ZKSCAN1: variants seen among roughly 807,000 people sequenced by gnomAD.
The protein encoded by ZKSCAN1 is zinc finger protein with KRAB and SCAN domains 1.
In ZKSCAN1, 14 loss-of-function variants were observed where a neutral mutation model predicts 51.6. The ratio of observed to expected loss-of-function variants is 0.27; its 90% CI spans 0.18 to 0.42. The LOEUF is 0.42. Ranked by LOEUF, ZKSCAN1 falls within the 10% of genes least tolerant of loss-of-function variation. ZKSCAN1 has a pLI of 1.00. For missense variants in ZKSCAN1, 531 were observed against 710.0 expected (o/e 0.75, Z 2.86); for synonymous variants, 263 against 261.5 (o/e 1.01, Z -0.06).
chr7:100,044,139 G>A (rs1256558128), downstream of ZKSCAN1, among the ~76,000 whole-genome samples: 3 of 152,036 alleles, frequency 2.0e-5, no homozygotes, highest in Non-Finnish European at 2.9e-5. Context: ...TCCCCCAGGC[G>A]ATGTCTGATC....
chr7:100,015,772 G>C (rs187462604), intron 1 of ZKSCAN1, 46 bp downstream of exon 1: 10 of 152,298 alleles, frequency 6.6e-5, no homozygotes, highest in Non-Finnish European at 1.0e-4. Context: ...GGGGCCGCAA[G>C]GGTGTGTGCG....
Position 100,040,042 on chromosome 7 carries a change from A to G in ZKSCAN1, c.*5845A>G, listed in dbSNP as rs1357635244. On this transcript the variant is annotated 3_prime_UTR_variant, in exon 6 of 6. Coordinates refer to ENST00000324306, the MANE Select transcript of ZKSCAN1 (RefSeq NM_003439.4). ...TAAAAGCAATTATTTTGCTATTCAGATTTTTTATTATCTGAAAATGAAATT... is the reference window on the plus strand; with the variant it reads ...TAAAAGCAATTATTTTGCTATTCAGGTTTTTTATTATCTGAAAATGAAATT... The G allele has an allele frequency of 2.3e-6, 2 of 874,800 alleles. No homozygotes were observed. The highest frequency in any genetic ancestry group is 2.7e-6 in the Non-Finnish European group (2 of 729,558). The allele number at this position is 874,800 out of a possible 1,614,324, so 54.2% of individuals were successfully genotyped here.
intron 1 of ZKSCAN1, among the ~76,000 whole-genome samples, chr7:100,020,562 A>C (rs1785373108): frequency 6.6e-6 from 1 of 152,192 alleles, no homozygotes; most frequent in South Asian, 2.1e-4. Context: ...AGGCTGAGGC[A>C]GGAGAATTAC....
Position 100,041,119 on chromosome 7 carries a change from CTTGTT to C in ZKSCAN1, c.*6924_*6928del. 1.2e-6 allele frequency: 1 copy of C among 831,750 alleles called. No homozygotes were observed. The highest frequency in any genetic ancestry group is 1.4e-6 in the Non-Finnish European group (1 of 689,912). The allele number at this position is 831,750 out of a possible 1,614,324, so 51.5% of individuals were successfully genotyped here. ...TATAGAGGGCTAACTCAGGCATTGT[CTTGTT>C]TATTTGTAGACTGGATTAAAAACAA... On this transcript the variant is annotated 3_prime_UTR_variant, in exon 6 of 6. Coordinates refer to ENST00000324306, the MANE Select transcript of ZKSCAN1 (RefSeq NM_003439.4).
chr7:100,017,453 T>A (rs1790416724), intron 1 of ZKSCAN1, among the ~76,000 whole-genome samples: 1 of 152,176 alleles, frequency 6.6e-6, no homozygotes, highest in African/African-American at 2.4e-5. Context: ...GAACGCCTGA[T>A]CTCAGGCAGT....
In ZKSCAN1 at chr7:100,030,309, A is replaced by C; in HGVS notation, c.733A>C (p.Asn245His). The change falls in exon 5 of 6, where the codon AAT (asparagine) becomes CAT (histidine). Residue 245 changes from asparagine (N) to histidine (H), a missense_variant. Around this residue, in one of 2 missense-constraint regions of ZKSCAN1, gnomAD observed 403 missense variants for 490.5 expected, o/e 0.82. Coordinates refer to ENST00000324306, the MANE Select transcript of ZKSCAN1 (RefSeq NM_003439.4). The part of the protein sequence containing the change: ...SLILEEWGCQ[N>H]LARRNLSRDN... Reference sequence around the variant, plus strand: ...CATTCTGGAGGAATGGGGATGTCAGAATCTGGCTCGGAGGAATCTCAGTAG... The same window carrying C: ...CATTCTGGAGGAATGGGGATGTCAGCATCTGGCTCGGAGGAATCTCAGTAG... The C allele has an allele frequency of 3.7e-6, 6 of 1,614,158 alleles. No individual in the cohort carries two copies. The highest frequency in any genetic ancestry group is 3.4e-6 in the Non-Finnish European group (4 of 1,180,028).
At position 100,040,390 on chromosome 7, in the gene ZKSCAN1, A is replaced by T. The variant is rs1383104887; in HGVS notation, c.*6193A>T. On this transcript the variant is annotated 3_prime_UTR_variant, in exon 6 of 6. Transcript: ENST00000324306. ...AGAATCGTGACTTAATTCAAATTGC[A>T]CAGTAATCAGTAAAGTGAATACGTT... 2 of 985,474 alleles carry T rather than the reference A, an allele frequency of 2.0e-6. No homozygotes were observed. The highest frequency in any genetic ancestry group is 1.1e-4 in the East Asian group (1 of 8,820). The allele number at this position is 985,474 out of a possible 1,614,324, so 61.0% of individuals were successfully genotyped here. A position where few individuals can be genotyped will look rare whatever the true frequency, so the allele number is the denominator to read the frequency against.
Position 100,034,660 on chromosome 7 carries a change from A to C in ZKSCAN1, c.*463A>C. On this transcript the variant is annotated 3_prime_UTR_variant, in exon 6 of 6. Transcript: ENST00000324306. ...AAAAAAGAGGGACAGTGAAAACAAA[A>C]ACGACATTGGGACATGCTGCTCAAG... 470 of 588,168 alleles carry C rather than the reference A, an allele frequency of 8.0e-4. No individual in the cohort carries two copies. The highest frequency in any genetic ancestry group is 9.5e-4 in the Non-Finnish European group (441 of 465,766). The allele number at this position is 588,168 out of a possible 1,614,324, so 36.4% of individuals were successfully genotyped here. A position where few individuals can be genotyped will look rare whatever the true frequency, so the allele number is the denominator to read the frequency against.
In ZKSCAN1 at chr7:100,040,375, C is replaced by G. The variant is rs1316410328; in HGVS notation, c.*6178C>G. Reference sequence around the variant, plus strand: ...ACCTCCATTTACTAAAGAATCGTGACTTAATTCAAATTGCACAGTAATCAG... The same window carrying G: ...ACCTCCATTTACTAAAGAATCGTGAGTTAATTCAAATTGCACAGTAATCAG... On this transcript the variant is annotated 3_prime_UTR_variant, in exon 6 of 6. Coordinates refer to ENST00000324306, the MANE Select transcript of ZKSCAN1 (RefSeq NM_003439.4). The G allele has an allele frequency of 2.0e-6, 2 of 985,322 alleles. No homozygotes were observed. The highest frequency in any genetic ancestry group is 3.5e-5 in the African/African-American group (2 of 57,246). The allele number at this position is 985,322 out of a possible 1,614,324, so 61.0% of individuals were successfully genotyped here.
At chr7:100,025,825 C>G (rs1790810245) in intron 3 of ZKSCAN1, among the ~76,000 whole-genome samples, 1 of 152,158 alleles carries the variant, frequency 6.6e-6, no homozygotes, top group African/African-American at 2.4e-5. Flanking sequence ...GTGGCTCACG[C>G]CTGTAATCCC....
intron 5 of ZKSCAN1, among the ~76,000 whole-genome samples, chr7:100,032,744 C>T (rs1213126866): frequency 6.6e-6 from 1 of 151,726 alleles, no homozygotes; most frequent in African/African-American, 2.4e-5. Flanking sequence ...CGTGGTGGCT[C>T]ACGCCTGTAA....
In ZKSCAN1 at chr7:100,038,023, A is replaced by C. The variant is rs1199954711; in HGVS notation, c.*3826A>C. ...AGTGACAGAGCGAGGCTCTGTATCA[A>C]AAAAAAAAGTTGCGGGGGGGTGCTC... is the stretch of plus-strand genomic sequence containing the variant. On this transcript the variant is annotated 3_prime_UTR_variant, in exon 6 of 6. Transcript: ENST00000324306. The C allele has an allele frequency of 1.0e-6, 1 of 981,800 alleles. No individual in the cohort carries two copies. The highest frequency in any genetic ancestry group is 1.2e-6 in the Non-Finnish European group (1 of 827,182). The allele number at this position is 981,800 out of a possible 1,614,324, so 60.8% of individuals were successfully genotyped here.
chr7:100,037,008 G>A lies in ZKSCAN1; in HGVS notation c.*2811G>A, dbSNP rs1434097185. 1 of 985,278 alleles carries A rather than the reference G, an allele frequency of 1.0e-6. No individual in the cohort carries two copies. Among genetic ancestry groups the A allele is most frequent in the East Asian group, 1.1e-4 (1 of 8,832 alleles). 61.0% of individuals were successfully genotyped at this position (985,278 alleles called of 1,614,324 possible). ...GCCACTAGGGTTGCTTCGATCTTCA[G>A]CCACATGCTGTCCTTGAAGCAGCTA... On this transcript the variant is annotated 3_prime_UTR_variant, in exon 6 of 6. Transcript: ENST00000324306.
chr7:100,028,976 C>T (rs941926670), intron 3 of ZKSCAN1, among the ~76,000 whole-genome samples: 4 of 151,762 alleles, frequency 2.6e-5, no homozygotes, highest in Admixed American at 6.6e-5. Flanking sequence ...ACCAGCCTGA[C>T]CAACATGGAG....
chr7:100,037,263 G>A lies in ZKSCAN1; in HGVS notation c.*3066G>A, dbSNP rs1267139730. 2.0e-6 allele frequency: 2 copies of A among 985,242 alleles called. No homozygotes were observed. Among genetic ancestry groups the A allele is most frequent in the African/African-American group, 3.5e-5 (2 of 57,220 alleles). The allele number at this position is 985,242 out of a possible 1,614,324, so 61.0% of individuals were successfully genotyped here. A position where few individuals can be genotyped will look rare whatever the true frequency, so the allele number is the denominator to read the frequency against. On this transcript the variant is annotated 3_prime_UTR_variant, in exon 6 of 6. Coordinates refer to ENST00000324306, the MANE Select transcript of ZKSCAN1 (RefSeq NM_003439.4). Reference sequence around the variant, plus strand: ...CCATTAGCATGCTAGTTGTCCTAATGGAAATTTTTGAAGAGTTTTTCAATA... The same window carrying A: ...CCATTAGCATGCTAGTTGTCCTAATAGAAATTTTTGAAGAGTTTTTCAATA...
chr7:100,040,668 G>T lies in ZKSCAN1; in HGVS notation c.*6471G>T. 2 of 985,452 alleles carry T rather than the reference G, an allele frequency of 2.0e-6. No homozygotes were observed. Among genetic ancestry groups the T allele is most frequent in the Non-Finnish European group, 2.4e-6 (2 of 829,960 alleles). 61.0% of individuals were successfully genotyped at this position (985,452 alleles called of 1,614,324 possible). ...ATGGAAGGAGAAGGGGGAAGAGGAC[G>T]GTAACGGCCCCACACTCCAGGCTGA... On this transcript the variant is annotated 3_prime_UTR_variant, in exon 6 of 6. Transcript: ENST00000324306.
Position 100,039,808 on chromosome 7 carries a change from C to T in ZKSCAN1, c.*5611C>T. On this transcript the variant is annotated 3_prime_UTR_variant, in exon 6 of 6. Transcript: ENST00000324306. ...TACGAGGGGGCTAGGGTTTTCCCAT[C>T]TGGGAAATGGGGTGAAAGTCTGCAG... is the stretch of plus-strand genomic sequence containing the variant. The T allele has an allele frequency of 2.0e-6, 2 of 985,338 alleles. No homozygotes were observed. Among genetic ancestry groups the T allele is most frequent in the East Asian group, 2.3e-4 (2 of 8,824 alleles). 61.0% of individuals were successfully genotyped at this position (985,338 alleles called of 1,614,324 possible).
chr7:100,021,119 T>G (rs919067919), intron 1 of ZKSCAN1, among the ~76,000 whole-genome samples: 3 of 136,202 alleles, frequency 2.2e-5, no homozygotes, highest in African/African-American at 8.1e-5. Context: ...TTTTTTCCTT[T>G]TTTTTTTTTT....
Position 100,035,992 on chromosome 7 carries a change from C to A in ZKSCAN1, c.*1795C>A. The stretch of plus-strand genomic sequence containing the variant: ...GTGTGACCTCCCCATAACAAGAGAA[C>A]CCCATATATAGTTTGAGACTTTCCC... On this transcript the variant is annotated 3_prime_UTR_variant, in exon 6 of 6. Coordinates refer to ENST00000324306, the MANE Select transcript of ZKSCAN1 (RefSeq NM_003439.4). 1 of 985,416 alleles carries A rather than the reference C, an allele frequency of 1.0e-6. No individual in the cohort carries two copies. The highest frequency in any genetic ancestry group is 1.2e-6 in the Non-Finnish European group (1 of 829,928). 61.0% of individuals were successfully genotyped at this position (985,416 alleles called of 1,614,324 possible). A position where few individuals can be genotyped will look rare whatever the true frequency, so the allele number is the denominator to read the frequency against.
Sources: gnomAD v4.1 joint callset for allele counts (sites outside exome capture counted in the v4.1 genomes callset) on GRCh38, gnomAD v4.1.1 for gene constraint, gnomAD v4.1.1 regional missense constraint, MANE v1.5 for transcripts, NCBI Gene and HGNC (gene_info 2026-07-23, HGNC 2026-07-21) for gene names.